The following AGBL4 variants were observed in gnomAD, a reference collection of about 807,000 sequenced individuals.
AGBL4 encodes AGBL carboxypeptidase 4, also known as cytosolic carboxypeptidase 6.
AGBL4 carries 58 observed loss-of-function variants against 66.4 expected under a neutral mutation model. That is an observed-to-expected ratio of 0.87 (90% confidence interval 0.71 to 1.09). The LOEUF (loss-of-function observed/expected upper bound fraction) is 1.09. Among genes scored for constraint, AGBL4 ranks in the 50% least tolerant of loss-of-function variants. The pLI, the probability that AGBL4 is intolerant of heterozygous loss-of-function variation, is 0.00. For synonymous variants in AGBL4, 234 were observed against 222.9 expected (o/e 1.05, Z -0.44); for missense variants, 579 against 631.0 (o/e 0.92, Z 0.88).
intron 11 of AGBL4, among the ~76,000 whole-genome samples, chr1:48,552,238 G>A (rs938770776): frequency 6.6e-5 from 10 of 151,948 alleles, no homozygotes; most frequent in South Asian, 4.2e-4. Flanking sequence ...TAATTTTTGT[G>A]TTTTTAACAG....
chr1:48,689,719 G>C (rs1646598371), intron 6 of AGBL4, among the ~76,000 whole-genome samples: 1 of 152,154 alleles, frequency 6.6e-6, no homozygotes, highest in Non-Finnish European at 1.5e-5. Context: ...TGTGACTTGA[G>C]GGGTGAAGAG....
chr1:49,468,667 C>A (rs1354634988), intron 3 of AGBL4, among the ~76,000 whole-genome samples: 1 of 151,744 alleles, frequency 6.6e-6, no homozygotes, highest in Non-Finnish European at 1.5e-5. Context: ...TATTTTTTTA[C>A]AATTCACTAT....
chr1:49,689,623 G>A (rs1646849420), intron 3 of AGBL4, among the ~76,000 whole-genome samples: 1 of 152,098 alleles, frequency 6.6e-6, no homozygotes, highest in Non-Finnish European at 1.5e-5. Context: ...TTGGTATTTT[G>A]ATAGAGATTA....
At chr1:49,893,600 C>A (rs1297834512) in intron 1 of AGBL4, among the ~76,000 whole-genome samples, 1 of 152,144 alleles carries the variant, frequency 6.6e-6, no homozygotes, top group Non-Finnish European at 1.5e-5. Context: ...TCCCTGCGAG[C>A]TATGGTAGTG....
At chr1:49,205,289 A>G (rs929604535) in intron 4 of AGBL4, among the ~76,000 whole-genome samples, 5 of 152,174 alleles carry the variant, frequency 3.3e-5, no homozygotes, top group African/African-American at 1.2e-4. Context: ...TTCCTTTTTA[A>G]ATAAGGTTGC....
At chr1:49,938,278 C>A (rs868453919) in intron 1 of AGBL4, among the ~76,000 whole-genome samples, 2 of 152,152 alleles carry the variant, frequency 1.3e-5, no homozygotes, top group African/African-American at 2.4e-5. Context: ...CACATACACC[C>A]TCCCAAGACT....
At chr1:48,769,526 A>AACACACACACACACAC (rs558937968) in intron 6 of AGBL4, among the ~76,000 whole-genome samples, 46 of 130,310 alleles carry the variant, frequency 3.5e-4, no homozygotes, top group South Asian at 1.7e-3. Context: ...GAGGATTTAA[A>AACACACACACACACAC]ACACACACAC....
intron 3 of AGBL4, among the ~76,000 whole-genome samples, chr1:49,318,879 T>A (rs1451849857): frequency 1.3e-5 from 2 of 152,098 alleles, no homozygotes; most frequent in African/African-American, 4.8e-5. Context: ...AATTTTTCCT[T>A]GTGATATGTG....
intron 1 of AGBL4, among the ~76,000 whole-genome samples, chr1:49,997,872 A>G (rs1204858630): frequency 1.3e-5 from 2 of 152,128 alleles, no homozygotes; most frequent in African/African-American, 2.4e-5. Flanking sequence ...AGACCACAGT[A>G]GAATAAAATT....
intron 3 of AGBL4, among the ~76,000 whole-genome samples, chr1:49,321,796 C>T (rs563031635): frequency 6.6e-6 from 1 of 152,110 alleles, no homozygotes. Flanking sequence ...TCTGAACATA[C>T]TTCTATATAT....
At chr1:49,147,319 GCT>G (rs1248809332) in intron 4 of AGBL4, among the ~76,000 whole-genome samples, 2 of 152,162 alleles carry the variant, frequency 1.3e-5, no homozygotes, top group African/African-American at 4.8e-5. Context: ...CAAAGTCTAT[GCT>G]CTTTCTCTTC....
chr1:49,565,485 T>G (rs1016861974), intron 3 of AGBL4, among the ~76,000 whole-genome samples: 9 of 152,196 alleles, frequency 5.9e-5, no homozygotes, highest in Admixed American at 1.3e-4. Flanking sequence ...AGGACCTCTT[T>G]TAGGGCAGGC....
At chr1:49,863,315 A>C (rs1234946600) in intron 1 of AGBL4, among the ~76,000 whole-genome samples, 2 of 152,230 alleles carry the variant, frequency 1.3e-5, no homozygotes, top group African/African-American at 4.8e-5. Flanking sequence ...TTAAGACTTC[A>C]AACTATGAAA....
Position 49,305,240 on chromosome 1 carries a change from A to T in AGBL4, c.283-59376T>A, listed in dbSNP as rs1426436387. On this transcript the variant is annotated intron_variant, in intron 3 of 13. Coordinates refer to ENST00000371839, the MANE Select transcript of AGBL4 (RefSeq NM_032785.4). ...CTTCTCTTTAATTCAGTCAACTGAC[A>T]TATGTAATGAGTTATGTACATATTA... Among the ~76,000 whole-genome samples, 8 of 152,200 alleles carry T rather than the reference A, an allele frequency of 5.3e-5. No homozygotes were observed. The East Asian group carries it at 1.3e-3, about 26-fold the overall frequency.
At chr1:48,895,846 G>A (rs2298202) in intron 5 of AGBL4, among the ~76,000 whole-genome samples, 74,748 of 152,068 alleles carry the variant, frequency 0.49, 21,819 homozygotes, top group Non-Finnish European at 0.67. Flanking sequence ...AATGTTACAT[G>A]GGCAGTGGCA....
Position 49,678,604 on chromosome 1 carries a change from T to C in AGBL4, c.282+18709A>G, listed in dbSNP as rs1352730052. On this transcript the variant is annotated intron_variant, in intron 3 of 13. Coordinates refer to ENST00000371839, the MANE Select transcript of AGBL4 (RefSeq NM_032785.4). ...AATGTAAGTATTTAGAACTATACAT[T>C]GCCCTCTCAGTACTGGTTTAGCTAC... Among the ~76,000 whole-genome samples the C allele has an allele frequency of 2.0e-5, 3 of 152,176 alleles. 1 individual carries two copies. The highest frequency in any genetic ancestry group is 7.2e-5 in the African/African-American group (3 of 41,462).
chr1:48,867,145 C>G (rs1472243680), intron 6 of AGBL4, 46 bp downstream of exon 6: 1 of 1,600,744 alleles, frequency 6.2e-7, no homozygotes, highest in East Asian at 2.2e-5. Flanking sequence ...AGGCATCATT[C>G]AAGAAATAAG....
chr1:49,896,043 C>T (rs1175531451), intron 1 of AGBL4, among the ~76,000 whole-genome samples: 1 of 150,628 alleles, frequency 6.6e-6, no homozygotes, highest in Admixed American at 6.6e-5. Flanking sequence ...TGCAAAAAGA[C>T]ATTCTATGCA....
chr1:48,887,167 C>T (rs1312876583), intron 5 of AGBL4, among the ~76,000 whole-genome samples: 2 of 152,126 alleles, frequency 1.3e-5, no homozygotes, highest in African/African-American at 4.8e-5. Flanking sequence ...TAGGGAATCA[C>T]GTGTGCATCT....
Sources: allele counts gnomAD v4.1 joint callset (sites outside exome capture counted in the v4.1 genomes callset), GRCh38; gene constraint gnomAD v4.1.1; transcripts MANE v1.5; gene names NCBI Gene and HGNC (gene_info 2026-07-23, HGNC 2026-07-21).